Variants in ROBO2 observed in about 807,000 individuals in gnomAD.
ROBO2 encodes roundabout guidance receptor 2.
In ROBO2, 53 loss-of-function variants were observed where a neutral mutation model predicts 160.8. The ratio of observed to expected loss-of-function variants is 0.33; its 90% CI spans 0.26 to 0.41. The LOEUF is 0.41. ROBO2 is among the 10% of genes least tolerant of loss of function. The pLI is 1.00. For missense variants in ROBO2, 1,577 were observed against 1,722.4 expected (o/e 0.92, Z 1.49); for synonymous variants, 664 against 611.7 (o/e 1.09, Z -1.26).
rs143416794 is a variant in ROBO2 at position 76,174,068 on chromosome 3, C to T, written c.109+236466C>T. On this transcript the variant is annotated intron_variant, in intron 2 of 26. Transcript: ENST00000487694. Reference sequence around the variant, plus strand: ...ATGATCACCATTCTAACTGGCATGACGTGGTATCTCATTGTGGTTTTGATT... The same window carrying T: ...ATGATCACCATTCTAACTGGCATGATGTGGTATCTCATTGTGGTTTTGATT... Among the ~76,000 whole-genome samples the T allele has an allele frequency of 3.9e-3, 592 of 152,114 alleles. 5 individuals are homozygous for T. The highest frequency in any genetic ancestry group is 0.013 in the African/African-American group (547 of 41,524).
intron 2 of ROBO2, among the ~76,000 whole-genome samples, chr3:77,159,806 G>A (rs184431845): frequency 1.5e-3 from 224 of 152,184 alleles, no homozygotes; most frequent in Non-Finnish European, 2.6e-3. Context: ...CTATGGAGAA[G>A]TCCTACTTGT....
At chr3:77,621,421 T>C (rs1374835018) in intron 22 of ROBO2, among the ~76,000 whole-genome samples, 2 of 148,494 alleles carry the variant, frequency 1.3e-5, no homozygotes, top group African/African-American at 5.0e-5. Flanking sequence ...ACAAGACCCC[T>C]TCTCTCCAAA....
intron 2 of ROBO2, among the ~76,000 whole-genome samples, chr3:76,871,689 T>G (rs538665800): frequency 6.6e-6 from 1 of 152,318 alleles, no homozygotes. Flanking sequence ...CTAAATTGAT[T>G]GGGAGCCGTG....
intron 2 of ROBO2, among the ~76,000 whole-genome samples, chr3:77,195,146 G>A (rs1258615730): frequency 6.6e-6 from 1 of 152,052 alleles, no homozygotes; most frequent in African/African-American, 2.4e-5. Flanking sequence ...CAGGTAAATA[G>A]GACGCTATAC....
At chr3:77,360,008 A>T (rs1017671394) in intron 2 of ROBO2, among the ~76,000 whole-genome samples, 1 of 152,158 alleles carries the variant, frequency 6.6e-6, no homozygotes, top group Non-Finnish European at 1.5e-5. Context: ...AATCAAAGAA[A>T]TAGTAAGCTG....
intron 9 of ROBO2, among the ~76,000 whole-genome samples, chr3:77,560,028 A>C (rs1318351496): frequency 6.6e-6 from 1 of 152,130 alleles, no homozygotes; most frequent in Non-Finnish European, 1.5e-5. Context: ...TTCTGGGCTA[A>C]AGGCAGACTT....
At chr3:76,612,274 G>A (rs1046795751) in intron 2 of ROBO2, among the ~76,000 whole-genome samples, 4 of 152,120 alleles carry the variant, frequency 2.6e-5, no homozygotes, top group Admixed American at 2.0e-4. Flanking sequence ...GGGTCCATTG[G>A]GTCTATAGCG....
chr3:76,576,799 A>C (rs936914978), intron 2 of ROBO2, among the ~76,000 whole-genome samples: 1 of 149,166 alleles, frequency 6.7e-6, no homozygotes, highest in African/African-American at 2.4e-5. Flanking sequence ...AAAAAAGAAA[A>C]GTAAAAAAGA....
At chr3:77,034,390 A>AAAG (rs1553737872) in intron 2 of ROBO2, among the ~76,000 whole-genome samples, 1 of 151,436 alleles carries the variant, frequency 6.6e-6, no homozygotes, top group African/African-American at 2.4e-5. Context: ...AAAAAAAAAA[A>AAAG]AAAAAGAAAA....
intron 2 of ROBO2, among the ~76,000 whole-genome samples, chr3:76,663,115 T>A (rs931906937): frequency 6.6e-6 from 1 of 152,142 alleles, no homozygotes; most frequent in Non-Finnish European, 1.5e-5. Flanking sequence ...GGAAGAGACC[T>A]GCTTGAGAAA....
At chr3:77,623,541 T>C (rs1007304875) in intron 23 of ROBO2, among the ~76,000 whole-genome samples, 5 of 152,230 alleles carry the variant, frequency 3.3e-5, no homozygotes, top group African/African-American at 1.2e-4. Context: ...GTGTGATGCA[T>C]GAGCCCATTT....
At chr3:76,032,230 A>C in intron 2 of ROBO2, among the ~76,000 whole-genome samples, 1 of 151,778 alleles carries the variant, frequency 6.6e-6, no homozygotes, top group East Asian at 1.9e-4. Flanking sequence ...TATTGCGTCT[A>C]TTTGATTCTT....
At chr3:77,132,072 T>G (rs2075898172) in intron 2 of ROBO2, among the ~76,000 whole-genome samples, 1 of 152,050 alleles carries the variant, frequency 6.6e-6, no homozygotes, top group Admixed American at 6.6e-5. Context: ...TCCTTTAGAA[T>G]AGGACCTAAT....
At chr3:75,991,027 G>T (rs2065552008) in intron 2 of ROBO2, among the ~76,000 whole-genome samples, 1 of 152,122 alleles carries the variant, frequency 6.6e-6, no homozygotes, top group Non-Finnish European at 1.5e-5. Context: ...TGTCACTCCT[G>T]GTTCTTTGAC....
At chr3:76,250,734 A>T (rs1267680462) in intron 2 of ROBO2, among the ~76,000 whole-genome samples, 1 of 152,078 alleles carries the variant, frequency 6.6e-6, no homozygotes, top group East Asian at 1.9e-4. Flanking sequence ...TACTAATAGT[A>T]CTAAAAATGG....
chr3:76,277,786 A>G (rs1708012524), intron 2 of ROBO2, among the ~76,000 whole-genome samples: 2 of 151,950 alleles, frequency 1.3e-5, no homozygotes, highest in African/African-American at 4.8e-5. Flanking sequence ...TTTTATTCTC[A>G]TATATATTAA....
At chr3:77,602,648 T>TACCACCACCACC in intron 20 of ROBO2, 157 bp downstream of exon 21, 1 of 866,164 alleles carries the variant, frequency 1.2e-6, no homozygotes, top group Non-Finnish European at 1.8e-6. Context: ...GAGTAATTCC[T>TACCACCACCACC]ACCACCACCA....
Position 76,892,391 on chromosome 3 carries a change from T to G in ROBO2, c.110-205623T>G, listed in dbSNP as rs3911531. 7.2e-5 allele frequency among the ~76,000 whole-genome samples: 11 copies of G among 152,160 alleles called. 1 individual carries two copies. In the East Asian group the frequency reaches 2.1e-3, roughly 29 times the overall value. ...TTCGACCTGTCATCTACTTAGCCCA[T>G]AGCCATTACCATAATCTCAAAATCA... On this transcript the variant is annotated intron_variant, in intron 2 of 26. Coordinates refer to the ROBO2 transcript ENST00000487694.
intron 2 of ROBO2, among the ~76,000 whole-genome samples, chr3:76,767,770 A>C (rs2061654116): frequency 6.6e-6 from 1 of 151,566 alleles, no homozygotes; most frequent in Non-Finnish European, 1.5e-5. Flanking sequence ...CACATTGCTT[A>C]GATGTTTTAG....
Sources: allele counts gnomAD v4.1 joint callset (sites outside exome capture counted in the v4.1 genomes callset), GRCh38; gene constraint gnomAD v4.1.1; transcripts MANE v1.5; gene names NCBI Gene and HGNC (gene_info 2026-07-23, HGNC 2026-07-21).